The following SPTBN1 variants were observed in gnomAD, a reference collection of about 807,000 sequenced individuals.
The protein encoded by SPTBN1 is spectrin beta, non-erythrocytic 1.
SPTBN1 carries 32 observed loss-of-function variants against 266.4 expected under a neutral mutation model. The ratio of observed to expected loss-of-function variants is 0.12; its 90% CI spans 0.09 to 0.16. SPTBN1 has a LOEUF of 0.16. Among genes scored for constraint, SPTBN1 ranks in the 10% least tolerant of loss-of-function variants. SPTBN1 has a pLI of 1.00. For missense variants in SPTBN1, 2,296 were observed against 3,067.1 expected (o/e 0.75, Z 5.94); for synonymous variants, 1,336 against 1,162.2 (o/e 1.15, Z -3.04).
At chr2:54,630,065 G>C (rs140637540) in intron 15 of SPTBN1, 36 bp downstream of exon 15, 7 of 1,601,944 alleles carry the variant, frequency 4.4e-6, no homozygotes, top group South Asian at 1.1e-5. Context: ...AGCCTCCCAC[G>C]TGTGGGACTG....
Position 54,668,566 on chromosome 2 carries a change from A to G in SPTBN1, c.7092A>G (p.Lys2364=). ...EKRFSLFGKK[K] ...GGTTCAGCCTTTTTGGCAAAAAGAA[A>G]TGAACTCCTTTCCTTCACCTCCTGC... The change falls in exon 36 of 36, where the codon AAA becomes AAG. Residue 2364 remains lysine, a synonymous_variant. Coordinates refer to ENST00000356805, the MANE Select transcript of SPTBN1 (RefSeq NM_003128.3). 6.2e-7 allele frequency: 1 copy of G among 1,611,196 alleles called. No individual in the cohort carries two copies. Among genetic ancestry groups the G allele is most frequent in the African/African-American group, 1.3e-5 (1 of 74,922 alleles).
intron 1 of SPTBN1, among the ~76,000 whole-genome samples, chr2:54,494,291 CT>C (rs1257784094): frequency 6.6e-6 from 1 of 152,134 alleles, no homozygotes; most frequent in Non-Finnish European, 1.5e-5. Context: ...CATTTGAGTC[CT>C]TGTCTGCTCA....
At chr2:54,566,102 C>A (rs1325589810) in intron 2 of SPTBN1, among the ~76,000 whole-genome samples, 1 of 151,934 alleles carries the variant, frequency 6.6e-6, no homozygotes, top group Non-Finnish European at 1.5e-5. Flanking sequence ...TGACAACTTT[C>A]TATCAACTCT....
chr2:54,625,802 G>A lies in SPTBN1; in HGVS notation c.1342-130G>A. ...GACAGGGTTTCACAATGTTGGCCAGGCTAGTCTCGAACTCCTGACCTCAAG... is the reference window on the plus strand; with the variant it reads ...GACAGGGTTTCACAATGTTGGCCAGACTAGTCTCGAACTCCTGACCTCAAG... On this transcript the variant is annotated intron_variant, in intron 11 of 35. Transcript: ENST00000356805. The A allele has an allele frequency of 4.1e-6, 4 of 971,832 alleles. 1 individual carries two copies. The South Asian group carries it at 6.8e-5, about 17-fold the overall frequency. 60.2% of individuals were successfully genotyped at this position (971,832 alleles called of 1,614,324 possible).
intron 29 of SPTBN1, among the ~76,000 whole-genome samples, chr2:54,656,956 ATCT>A (rs1472166108): frequency 3.3e-5 from 5 of 152,208 alleles, no homozygotes; most frequent in Non-Finnish European, 5.9e-5. Context: ...CAGAGGTGGC[ATCT>A]TCTTCATGTA....
At chr2:54,662,353 A>G (rs1484453313) in intron 32 of SPTBN1, 32 of 981,548 alleles carry the variant, frequency 3.3e-5, no homozygotes, top group South Asian at 9.4e-5. Flanking sequence ...ATAAACATTA[A>G]TGATCTCTGC....
chr2:54,583,454 A>C (rs768099613), intron 2 of SPTBN1, among the ~76,000 whole-genome samples: 5 of 152,146 alleles, frequency 3.3e-5, no homozygotes, highest in African/African-American at 1.2e-4. Context: ...TTTTCTGACC[A>C]AAGTGTAGGT....
In SPTBN1 at chr2:54,645,162, C is replaced by G. The variant is rs1049700081; in HGVS notation, c.4270-67C>G. The G allele has an allele frequency of 3.9e-5, 60 of 1,557,296 alleles. No individual in the cohort carries two copies. The highest frequency in any genetic ancestry group is 4.4e-5 in the Non-Finnish European group (50 of 1,134,668). ...TGGCCAAGTCCCAGGCCCAGCAGTT[C>G]TGCTTAGAGCCAGTCACTGCAAAAG... On this transcript the variant is annotated intron_variant, in intron 20 of 35. Coordinates refer to ENST00000356805, the MANE Select transcript of SPTBN1 (RefSeq NM_003128.3). The surrounding 1 kb of genome is among the most constrained non-coding windows in gnomAD (Gnocchi z 4.3).
chr2:54,463,121 A>G (rs1693451913), intron 1 of SPTBN1, among the ~76,000 whole-genome samples: 1 of 152,210 alleles, frequency 6.6e-6, no homozygotes, highest in Non-Finnish European at 1.5e-5. Flanking sequence ...AGCAAGTTAC[A>G]GTGGTGGCCA....
At chr2:54,482,786 G>A (rs1426023439) in intron 1 of SPTBN1, among the ~76,000 whole-genome samples, 1 of 152,122 alleles carries the variant, frequency 6.6e-6, no homozygotes, top group Non-Finnish European at 1.5e-5. Context: ...AAACATGGGA[G>A]GAGCATGAAC....
rs1434688688 is a variant in SPTBN1, at chr2:54,568,375, A to T, written c.149-30717A>T. Among the ~76,000 whole-genome samples the T allele has an allele frequency of 6.0e-5, 9 of 151,098 alleles. No individual in the cohort carries two copies. The East Asian group carries it at 1.7e-3, about 29-fold the overall frequency. On this transcript the variant is annotated intron_variant, in intron 2 of 35. Transcript: ENST00000356805. The stretch of plus-strand genomic sequence containing the variant: ...AAAAAAAAAAAAAAAAAAAAAAAGA[A>T]GAAGAAGCACTGCCTTGGAAGTAAT...
intron 1 of SPTBN1, among the ~76,000 whole-genome samples, chr2:54,486,063 C>G (rs1327233893): frequency 6.6e-6 from 1 of 151,238 alleles, no homozygotes; most frequent in African/African-American, 2.4e-5. Flanking sequence ...AGGAGCCCCT[C>G]TGCCCGGCCA....
At position 54,533,245 on chromosome 2, in the gene SPTBN1, CG is replaced by C. The variant is rs1198695957; in HGVS notation, c.148+6680del. On this transcript the variant is annotated intron_variant, in intron 2 of 35. Transcript: ENST00000356805. The surrounding 1 kb of genome is among the most constrained non-coding windows in gnomAD (Gnocchi z 4.2). ...GCTCAGGATGGCATGCAATTTAAAA[CG>C]TATGAATTGCCTATTTCTTCAGTTT... is the stretch of plus-strand genomic sequence containing the variant. Among the ~76,000 whole-genome samples the C allele has an allele frequency of 1.3e-5, 2 of 152,112 alleles. No homozygotes were observed. The highest frequency in any genetic ancestry group is 3.9e-4 in the East Asian group (2 of 5,166).
At chr2:54,510,198 A>G (rs993107321) in intron 1 of SPTBN1, among the ~76,000 whole-genome samples, 7 of 151,994 alleles carry the variant, frequency 4.6e-5, no homozygotes, top group Non-Finnish European at 8.8e-5. Context: ...ACCTCAGGTG[A>G]TCTGCCCAAA....
intron 2 of SPTBN1, among the ~76,000 whole-genome samples, chr2:54,557,037 C>G (rs1003334422): frequency 1.3e-5 from 2 of 152,184 alleles, no homozygotes; most frequent in Admixed American, 1.3e-4. Flanking sequence ...TGTTCTACAT[C>G]TTAGATGATA....
intron 4 of SPTBN1, among the ~76,000 whole-genome samples, chr2:54,614,927 A>T (rs6741053): frequency 0.15 from 22,229 of 152,210 alleles, 1,724 homozygotes; most frequent in Middle Eastern, 0.19. Flanking sequence ...CTGGAAACAG[A>T]TACCCTTCAC....
chr2:54,524,429 T>A (rs141250188), intron 1 of SPTBN1, among the ~76,000 whole-genome samples: 1 of 152,232 alleles, frequency 6.6e-6, no homozygotes, highest in Non-Finnish European at 1.5e-5. Flanking sequence ...TAGCTCAGTT[T>A]CTCAATGTCT....
At chr2:54,511,999 C>T (rs1360713959) in intron 1 of SPTBN1, among the ~76,000 whole-genome samples, 1 of 152,100 alleles carries the variant, frequency 6.6e-6, no homozygotes, top group Non-Finnish European at 1.5e-5. Flanking sequence ...GATCGTCTGG[C>T]GTTAGATTCT....
intron 1 of SPTBN1, among the ~76,000 whole-genome samples, chr2:54,471,093 A>G (rs1693896691): frequency 6.6e-6 from 1 of 152,104 alleles, no homozygotes; most frequent in South Asian, 2.1e-4. Flanking sequence ...ATAATCTTCA[A>G]AATGTAGGGA....
Sources: allele counts gnomAD v4.1 joint callset (sites outside exome capture counted in the v4.1 genomes callset), GRCh38; gene constraint gnomAD v4.1.1; non-coding constraint Gnocchi (gnomAD v3.1); transcripts MANE v1.5; gene names NCBI Gene and HGNC (gene_info 2026-07-23, HGNC 2026-07-21).